The following NOLC1 variants were observed in gnomAD, a reference collection of about 807,000 sequenced individuals.
The protein encoded by NOLC1 is 140 kDa nucleolar phosphoprotein.
A neutral mutation model predicts 73.4 loss-of-function variants in NOLC1; 37 were observed. The observed-to-expected ratio is 0.50, with a 90% CI of 0.39 to 0.66. The LOEUF is 0.66. Among genes scored for constraint, NOLC1 ranks in the 30% least tolerant of loss-of-function variants. The pLI, the probability that NOLC1 is intolerant of heterozygous loss-of-function variation, is 0.00. For synonymous variants in NOLC1, 327 were observed against 302.6 expected, an observed-to-expected ratio of 1.08 and a Z score of -0.84; for missense variants, 921 against 838.9, an observed-to-expected ratio of 1.10 and a Z score of -1.21.
intron 1 of NOLC1, among the ~76,000 whole-genome samples, chr10:102,156,515 C>T (rs950188866): frequency 2.7e-5 from 4 of 150,466 alleles, no homozygotes; most frequent in Non-Finnish European, 5.9e-5. Flanking sequence ...AAGTGATTCT[C>T]CTGCTTCAGC....
In NOLC1 at chr10:102,159,902, A is replaced by G; in HGVS notation, c.866A>G (p.Tyr289Cys). ...KKPMKNKPGP[Y>C]SSVPPPSAPP... Reference sequence around the variant, plus strand: ...CACTATCCTTTTTAAACAGGTCCCTACAGTTCAGTCCCCCCGCCTTCTGCT... The same window carrying G: ...CACTATCCTTTTTAAACAGGTCCCTGCAGTTCAGTCCCCCCGCCTTCTGCT... Residue 289 changes from tyrosine to cysteine, a missense_variant, in exon 8 of 13, where the codon TAC becomes TGC. By Grantham distance (194) the Tyr-to-Cys change is radical (BLOSUM62 -2). Transcript: ENST00000605788. The G allele has an allele frequency of 6.3e-7, 1 of 1,588,734 alleles. No individual in the cohort carries two copies. Among genetic ancestry groups the G allele is most frequent in the East Asian group, 2.3e-5 (1 of 44,054 alleles).
Position 102,160,598 on chromosome 10 carries a change from C to T in NOLC1, c.1246C>T (p.Leu416Phe). The T allele has an allele frequency of 1.2e-6, 2 of 1,614,228 alleles. No homozygotes were observed. Among genetic ancestry groups the T allele is most frequent in the Non-Finnish European group, 1.7e-6 (2 of 1,180,042 alleles). The change falls in exon 10 of 13, where the codon CTT (leucine) becomes TTT (phenylalanine). Residue 416 changes from leucine (L) to phenylalanine (F), a missense_variant. Transcript: ENST00000605788. ...PKQPVGGGQKLLTRKADSSSS... is the reference protein window; with the variant it reads ...PKQPVGGGQKFLTRKADSSSS... ...GCAACCTGTGGGCGGTGGCCAGAAGCTTCTGACGAGAAAGGCTGACAGCAG... is the reference window on the plus strand; with the variant it reads ...GCAACCTGTGGGCGGTGGCCAGAAGTTTCTGACGAGAAAGGCTGACAGCAG...
Position 102,158,188 on chromosome 10 carries a change from C to T in NOLC1, c.581C>T (p.Ala194Val), listed in dbSNP as rs1449813420. The change falls in exon 5 of 13, where the codon GCT (alanine) becomes GTT (valine). Residue 194 changes from alanine to valine, a missense_variant. Ala to Val is a moderately conservative substitution (Grantham distance 64). Transcript: ENST00000605788. ...AAGATAACACCTGTGACAGTTAAAG[C>T]TCAGACTAAAGCCCCTCCCAAACCA... The part of the protein sequence containing the change: ...KPKITPVTVK[A>V]QTKAPPKPAR... The T allele has an allele frequency of 1.9e-6, 3 of 1,614,180 alleles. No homozygotes were observed. In the East Asian group the frequency reaches 6.7e-5, roughly 36 times the overall value.
rs1376049137 is a variant in NOLC1, at chr10:102,161,003, G to A, written c.1651G>A (p.Ala551Thr). The A allele has an allele frequency of 6.2e-7, 1 of 1,614,004 alleles. No homozygotes were observed. The highest frequency in any genetic ancestry group is 1.7e-5 in the Admixed American group (1 of 59,990). ...AGCCCCCAAGGCCAATGGCACCTCT[G>A]CACTGACTGCCCAGAATGGAAAAGC... is the stretch of plus-strand genomic sequence containing the variant. ...PQAPKANGTSALTAQNGKAAK... is the reference protein window; with the variant it reads ...PQAPKANGTSTLTAQNGKAAK... The change falls in exon 10 of 13, where the codon GCA (alanine) becomes ACA (threonine). Residue 551 changes from alanine to threonine, a missense_variant. Transcript: ENST00000605788.
At chr10:102,153,873 A>G (rs1263391859) in intron 1 of NOLC1, among the ~76,000 whole-genome samples, 1 of 151,630 alleles carries the variant, frequency 6.6e-6, no homozygotes, top group Non-Finnish European at 1.5e-5. Flanking sequence ...AGGTTTCACC[A>G]TGTTGGCCAG....
chr10:102,157,710 A>G (rs1201539058), intron 4 of NOLC1, among the ~76,000 whole-genome samples, 155 bp downstream of exon 4: 2 of 152,168 alleles, frequency 1.3e-5, no homozygotes, highest in Admixed American at 6.5e-5. Flanking sequence ...TGATAAAAGT[A>G]TGAGGTCTGG....
chr10:102,154,437 T>TC (rs1273810321), intron 1 of NOLC1, among the ~76,000 whole-genome samples: 1 of 152,084 alleles, frequency 6.6e-6, no homozygotes, highest in Non-Finnish European at 1.5e-5. Flanking sequence ...TAGTATTATC[T>TC]CCATTTTATA....
At chr10:102,162,090 A>ATC (rs2069719452) in intron 12 of NOLC1, 21 bp from the exon 13 acceptor site, 2 of 1,612,168 alleles carry the variant, frequency 1.2e-6, no homozygotes, top group African/African-American at 2.7e-5. Flanking sequence ...CTCTGTGTTA[A>ATC]TCTCCCTCTC....
chr10:102,160,254 A>G lies in NOLC1; in HGVS notation c.1010A>G (p.Lys337Arg). The G allele has an allele frequency of 6.2e-7, 1 of 1,614,212 alleles. No individual in the cohort carries two copies. Among genetic ancestry groups the G allele is most frequent in the Non-Finnish European group, 8.5e-7 (1 of 1,180,016 alleles). ...TCAGATTCAAGTTCTGAAGAAGAGA[A>G]GAAACCCCCAACTAAGGCAGTAGTC... ...DESDSSSEEE[K>R]KPPTKAVVSK... is the part of the protein sequence containing the mutation. The change falls in exon 9 of 13, where the codon AAG (lysine) becomes AGG (arginine). Residue 337 changes from lysine (K) to arginine (R), a missense_variant. Coordinates refer to ENST00000605788, the MANE Select transcript of NOLC1 (RefSeq NM_004741.5).
chr10:102,156,680 G>T (rs533375943), intron 1 of NOLC1, among the ~76,000 whole-genome samples: 25 of 152,206 alleles, frequency 1.6e-4, no homozygotes, highest in Admixed American at 1.2e-3. Context: ...TGATCTGCCT[G>T]CCTCGGCCTC....
At chr10:102,156,942 G>A (rs1451634476) in intron 1 of NOLC1, 77 bp from the exon 2 acceptor site, 2 of 1,328,556 alleles carry the variant, frequency 1.5e-6, no homozygotes, top group Non-Finnish European at 2.2e-6. Flanking sequence ...TAGTAATTAT[G>A]TATGTAACAG....
At position 102,159,883 on chromosome 10, in the gene NOLC1, C is replaced by A; in HGVS notation, c.860-13C>A. ...ACATATCCTAAAACCATCACACTAT[C>A]CTTTTTAAACAGGTCCCTACAGTTC... On this transcript the variant is annotated splice_polypyrimidine_tract_variant and intron_variant, in intron 7 of 12. Transcript: ENST00000605788. 3 of 1,537,314 alleles carry A rather than the reference C, an allele frequency of 2.0e-6. No individual in the cohort carries two copies. The highest frequency in any genetic ancestry group is 2.6e-6 in the Non-Finnish European group (3 of 1,144,368).
At position 102,159,182 on chromosome 10, in the gene NOLC1, G is replaced by T. The variant is rs765854097; in HGVS notation, c.608-11G>T. On this transcript the variant is annotated splice_polypyrimidine_tract_variant and intron_variant, in intron 5 of 12. Transcript: ENST00000605788. ...ATACTCCTTACTCTTTCTTTTTCTT[G>T]GGTATTCCAGCTCGAGCAGCACCTA... 9 of 1,611,568 alleles carry T rather than the reference G, an allele frequency of 5.6e-6. 1 individual carries two copies. Among genetic ancestry groups the T allele is most frequent in the Middle Eastern group, 3.3e-4 (2 of 6,022 alleles).
chr10:102,160,606 G>A lies in NOLC1; in HGVS notation c.1254G>A (p.Thr418=), dbSNP rs756917102. The A allele has an allele frequency of 5.0e-6, 8 of 1,614,210 alleles. No individual in the cohort carries two copies. Among genetic ancestry groups the A allele is most frequent in the South Asian group, 4.4e-5 (4 of 91,084 alleles). Residue 418 remains threonine (T), a synonymous_variant, in exon 10 of 13, where the codon ACG becomes ACA. Coordinates refer to ENST00000605788, the MANE Select transcript of NOLC1 (RefSeq NM_004741.5). ...QPVGGGQKLL[T]RKADSSSSEE... The stretch of plus-strand genomic sequence containing the variant: ...TGGGCGGTGGCCAGAAGCTTCTGAC[G>A]AGAAAGGCTGACAGCAGCTCCAGTG...
Position 102,161,872 on chromosome 10 carries a change from G to C in NOLC1, c.1888G>C (p.Glu630Gln), listed in dbSNP as rs1405420128. The change falls in exon 12 of 13, where the codon GAG becomes CAG. Residue 630 changes from glutamate (E) to glutamine (Q), a missense_variant. Coordinates refer to ENST00000605788, the MANE Select transcript of NOLC1 (RefSeq NM_004741.5). Reference sequence around the variant, plus strand: ...ATCATCCCCATTCCGAAGGGTCAGGGAGGAGGAAATTGAGGTGGATTCACG... The same window carrying C: ...ATCATCCCCATTCCGAAGGGTCAGGCAGGAGGAAATTGAGGTGGATTCACG... The part of the protein sequence containing the change: ...RASSPFRRVR[E>Q]EEIEVDSRVA... The C allele has an allele frequency of 6.2e-7, 1 of 1,614,058 alleles. No homozygotes were observed. The highest frequency in any genetic ancestry group is 1.3e-5 in the African/African-American group (1 of 74,920).
rs2069694746 is a variant in NOLC1 at position 102,160,843 on chromosome 10, A to G, written c.1491A>G (p.Val497=). Reference sequence around the variant, plus strand: ...CAGTTAAGAAGAAGCCACAGAAGGTAGCAGGAGGTGCAGCCCCTTCCAAGC... The same window carrying G: ...CAGTTAAGAAGAAGCCACAGAAGGTGGCAGGAGGTGCAGCCCCTTCCAAGC... ...KSAVKKKPQK[V]AGGAAPSKPA... is the part of the protein sequence containing the mutation. The change falls in exon 10 of 13, where the codon GTA becomes GTG. Residue 497 remains valine (V), a synonymous_variant. Coordinates refer to ENST00000605788, the MANE Select transcript of NOLC1 (RefSeq NM_004741.5). 1 of 1,614,188 alleles carries G rather than the reference A, an allele frequency of 6.2e-7. No individual in the cohort carries two copies. The highest frequency in any genetic ancestry group is 8.5e-7 in the Non-Finnish European group (1 of 1,180,034).
In NOLC1 at chr10:102,161,656, G is replaced by T; in HGVS notation, c.1842G>T (p.Arg614Ser). ...AGACCCCTAACACATTTCCAAAAAG[G>T]AAGAAAGTAAGTTGTCTCACTTTCT... ...KLQTPNTFPK[R>S]KKGEKRASSP... The change falls in exon 11 of 13, where the codon AGG becomes AGT. Residue 614 changes from arginine to serine, a missense_variant. By Grantham distance (110) the Arg-to-Ser change is moderately radical (BLOSUM62 -1). Coordinates refer to ENST00000605788, the MANE Select transcript of NOLC1 (RefSeq NM_004741.5). 2 of 1,612,998 alleles carry T rather than the reference G, an allele frequency of 1.2e-6. No homozygotes were observed. The highest frequency in any genetic ancestry group is 1.1e-5 in the South Asian group (1 of 91,006).
At position 102,162,100 on chromosome 10, in the gene NOLC1, C is replaced by G. The variant is rs750345952; in HGVS notation, c.1942-11C>G. On this transcript the variant is annotated splice_polypyrimidine_tract_variant and intron_variant, in intron 12 of 12. Coordinates refer to ENST00000605788, the MANE Select transcript of NOLC1 (RefSeq NM_004741.5). ...TCCTCCTCTGTGTTAATCTCCCTCT[C>G]TACTTACCAGCGAGGTGCAGCCGGA... 3 of 1,612,988 alleles carry G rather than the reference C, an allele frequency of 1.9e-6. No individual in the cohort carries two copies. The African/African-American group carries it at 4.0e-5, about 22-fold the overall frequency.
Position 102,157,224 on chromosome 10 carries a change from A to G in NOLC1, c.212A>G (p.Asn71Ser). 3.1e-6 allele frequency: 5 copies of G among 1,614,224 alleles called. No individual in the cohort carries two copies. The highest frequency in any genetic ancestry group is 4.2e-6 in the Non-Finnish European group (5 of 1,180,040). The change falls in exon 3 of 13, where the codon AAT becomes AGT. Residue 71 changes from asparagine (N) to serine (S), a missense_variant. Asn to Ser is a conservative substitution (Grantham distance 46). Transcript: ENST00000605788. ...GTCCCAGAGCGAAAGTTACAGGCAA[A>G]TGGACCAGTGGCTAAGAAAGCTAAG... ...AKVPERKLQA[N>S]GPVAKKAKKK...
Sources: allele counts gnomAD v4.1 joint callset (sites outside exome capture counted in the v4.1 genomes callset), GRCh38; gene constraint gnomAD v4.1.1; transcripts MANE v1.5; gene names NCBI Gene and HGNC (gene_info 2026-07-23, HGNC 2026-07-21).